The following HS6ST2 variants were observed in gnomAD, a reference collection of about 807,000 sequenced individuals.
HS6ST2 encodes the protein heparan-sulfate 6-O-sulfotransferase 2.
In HS6ST2, 17 loss-of-function variants were observed where a neutral mutation model predicts 33.0. That is an observed-to-expected ratio of 0.52 (90% CI 0.35 to 0.77). HS6ST2 has a LOEUF of 0.77. HS6ST2 is among the 30% of genes least tolerant of loss of function. The pLI, the probability that HS6ST2 is intolerant of heterozygous loss-of-function variation, is 0.01. For missense variants in HS6ST2, 519 were observed against 551.7 expected (o/e 0.94, Z 0.59); for synonymous variants, 248 against 237.1 (o/e 1.05, Z -0.42).
chrX:132,812,314 A>G (rs1390961847), intron 2 of HS6ST2, among the ~76,000 whole-genome samples: 1 of 107,010 alleles, frequency 9.3e-6, no homozygotes, highest in African/African-American at 3.4e-5. Flanking sequence ...CTGAGGCAGG[A>G]GAATTGCTTG....
In HS6ST2 at chrX:132,787,054, C is replaced by T. The variant is rs185235017; in HGVS notation, c.948-78560G>A. On this transcript the variant is annotated intron_variant, in intron 2 of 4. Transcript: ENST00000370833. ...CACGTCTCAAATTAAACATAAATCC[C>T]AAGCTGGGTCAAAGGTCCCTAATAT... Among the ~76,000 whole-genome samples the T allele has an allele frequency of 5.1e-3, 529 of 102,888 alleles. 1 individual carries two copies. Among genetic ancestry groups the T allele is most frequent in the Non-Finnish European group, 8.2e-3 (417 of 50,877 alleles). 89.3% of individuals were successfully genotyped at this position (102,888 alleles called of 115,157 possible).
intron 4 of HS6ST2, among the ~76,000 whole-genome samples, chrX:132,637,823 T>A (rs1384457024): frequency 3.3e-5 from 2 of 61,085 alleles, no homozygotes; most frequent in Admixed American, 2.7e-4. Flanking sequence ...TTTATATATA[T>A]AATATTATAT....
intron 2 of HS6ST2, among the ~76,000 whole-genome samples, chrX:132,863,658 G>A (rs960381891): frequency 9.0e-6 from 1 of 110,645 alleles, no homozygotes. Context: ...TCCAAAGTTT[G>A]ATAAACTCTG....
At chrX:132,708,540 G>C in intron 2 of HS6ST2, 46 bp from the exon 3 acceptor site, 12 of 1,080,733 alleles carry the variant, frequency 1.1e-5, no homozygotes, top group Non-Finnish European at 1.5e-5. Flanking sequence ...AGCTTGGTAG[G>C]AGAGGAGATA....
At position 132,827,899 on chromosome X, in the gene HS6ST2, T is replaced by G. The variant is rs752263398; in HGVS notation, c.948-119405A>C. ...AAGAGCCAGTCTATCTCAGAAAGGA[T>G]AGCTTTCACGGAAAATTGGGAGCCA... On this transcript the variant is annotated intron_variant, in intron 2 of 4. Coordinates refer to ENST00000370833, the MANE Select transcript of HS6ST2 (RefSeq NM_001394073.1). Among the ~76,000 whole-genome samples, 8 of 111,666 alleles carry G rather than the reference T, an allele frequency of 7.2e-5. No individual in the cohort carries two copies. In the East Asian group the frequency reaches 2.0e-3, roughly 28 times the overall value.
intron 2 of HS6ST2, among the ~76,000 whole-genome samples, chrX:132,778,627 A>G (rs1477809949): frequency 1.8e-5 from 2 of 110,072 alleles, no homozygotes; most frequent in Non-Finnish European, 3.8e-5. Flanking sequence ...ACTGGTCTCA[A>G]ACTCCTGAGC....
At chrX:132,768,335 C>CAA (rs771487342) in intron 2 of HS6ST2, among the ~76,000 whole-genome samples, 1,937 of 46,126 alleles carry the variant, frequency 0.042, 110 homozygotes, top group East Asian at 0.19. Flanking sequence ...GACTCTGTCT[C>CAA]AAAAAAAAAA....
At chrX:132,645,631 G>A (rs902273728) in intron 4 of HS6ST2, among the ~76,000 whole-genome samples, 3 of 112,094 alleles carry the variant, frequency 2.7e-5, no homozygotes, top group East Asian at 2.8e-4. Flanking sequence ...CACCTTCTAC[G>A]TGGTGGAAAG....
intron 2 of HS6ST2, among the ~76,000 whole-genome samples, chrX:132,877,075 C>CT (rs1261448727): frequency 8.9e-6 from 1 of 112,147 alleles, no homozygotes; most frequent in Admixed American, 9.4e-5. Flanking sequence ...CAAGGCTACA[C>CT]TTTTTTTAAG....
At chrX:132,675,632 C>A (rs2063918814) in intron 3 of HS6ST2, among the ~76,000 whole-genome samples, 1 of 110,926 alleles carries the variant, frequency 9.0e-6, no homozygotes, top group African/African-American at 3.3e-5. Context: ...CATTGGCAGC[C>A]CATTCCTATA....
At chrX:132,930,765 T>C (rs1208805346) in intron 2 of HS6ST2, among the ~76,000 whole-genome samples, 1 of 111,107 alleles carries the variant, frequency 9.0e-6, no homozygotes, top group Non-Finnish European at 1.9e-5. Context: ...AGTCCAATAA[T>C]ACTAAATAAA....
chrX:132,647,349 T>C (rs993908280), intron 4 of HS6ST2, among the ~76,000 whole-genome samples: 2 of 111,079 alleles, frequency 1.8e-5, no homozygotes, highest in Non-Finnish European at 3.8e-5. Flanking sequence ...TGTCCCCTCA[T>C]TGTATTCTGA....
chrX:132,871,842 A>AT (rs202240975), intron 2 of HS6ST2, among the ~76,000 whole-genome samples: 1,590 of 111,201 alleles, frequency 0.014, 39 homozygotes, highest in African/African-American at 0.05. Context: ...TGACGGGTTG[A>AT]TAAGTGCAGC....
intron 2 of HS6ST2, among the ~76,000 whole-genome samples, chrX:132,883,627 G>A (rs1003561473): frequency 6.3e-5 from 7 of 110,846 alleles, no homozygotes; most frequent in Non-Finnish European, 9.4e-5. Context: ...TTTTTAAGAG[G>A]GTCAAGATGT....
At chrX:132,957,647 C>T (rs1217935190) in intron 1 of HS6ST2, among the ~76,000 whole-genome samples, 1 of 109,484 alleles carries the variant, frequency 9.1e-6, no homozygotes, top group African/African-American at 3.3e-5. Context: ...CCAGTGGGAC[C>T]CCTCCGGGCC....
At chrX:132,932,042 C>T (rs1050450958) in intron 2 of HS6ST2, among the ~76,000 whole-genome samples, 1 of 109,388 alleles carries the variant, frequency 9.1e-6, no homozygotes, top group Non-Finnish European at 1.9e-5. Flanking sequence ...AAAAATTAGC[C>T]GGGCGTGGTG....
At chrX:132,725,554 C>T (rs1004520185) in intron 2 of HS6ST2, among the ~76,000 whole-genome samples, 1 of 112,325 alleles carries the variant, frequency 8.9e-6, no homozygotes, top group African/African-American at 3.2e-5. Context: ...CCCTCATACA[C>T]TGCCGATGGG....
At chrX:132,837,377 C>T (rs964299671) in intron 2 of HS6ST2, among the ~76,000 whole-genome samples, 19 of 110,545 alleles carry the variant, frequency 1.7e-4, no homozygotes, top group African/African-American at 5.9e-4. Context: ...ACGCCATTCA[C>T]GTGCCTGAGT....
intron 2 of HS6ST2, among the ~76,000 whole-genome samples, chrX:132,950,470 A>G: frequency 8.9e-6 from 1 of 112,443 alleles, no homozygotes; most frequent in Non-Finnish European, 1.9e-5. Context: ...GAGAATTTTG[A>G]TATTTACCAT....
Sources: gnomAD v4.1 joint callset for allele counts (sites outside exome capture counted in the v4.1 genomes callset) on GRCh38, gnomAD v4.1.1 for gene constraint, MANE v1.5 for transcripts, NCBI Gene and HGNC (gene_info 2026-07-23, HGNC 2026-07-21) for gene names.